The following ANKRD46 variants were observed in gnomAD, a reference collection of about 807,000 sequenced individuals.
The protein encoded by ANKRD46 is ankyrin repeat domain 46, also known as ankyrin repeat domain-containing protein 46.
Under a neutral mutation model 19.8 loss-of-function variants are expected in ANKRD46, and 13 were observed. That is an observed-to-expected ratio of 0.66 (90% CI 0.43 to 1.04). The LOEUF is 1.04. Ranked by LOEUF, ANKRD46 falls within the 50% of genes least tolerant of loss-of-function variation. The pLI, the probability that ANKRD46 is intolerant of heterozygous loss-of-function variation, is 0.00. For synonymous variants in ANKRD46, 91 were observed against 106.9 expected, an observed-to-expected ratio of 0.85 and a Z score of 0.92; for missense variants, 185 against 274.8, an observed-to-expected ratio of 0.67 and a Z score of 2.31.
intron 3 of ANKRD46, 24 bp from the exon 4 acceptor site, chr8:100,528,027 AGTTT>A: frequency 6.8e-7 from 1 of 1,468,476 alleles, no homozygotes; most frequent in Non-Finnish European, 9.1e-7. Context: ...AAAAAAAAAA[AGTTT>A]ATAAAAATAA....
At chr8:100,551,580 C>T (rs2844046) in intron 1 of ANKRD46, 369,139 of 738,084 alleles carry the variant, frequency 0.5, 97,000 homozygotes, top group African/African-American at 0.82. Context: ...CTGGAACATG[C>T]AGACCATGTA....
downstream of ANKRD46, among the ~76,000 whole-genome samples, chr8:100,516,113 C>T (rs1811627311): frequency 6.6e-6 from 1 of 152,184 alleles, no homozygotes; most frequent in Non-Finnish European, 1.5e-5. Flanking sequence ...CTCAGGTGAT[C>T]CACCCGCCTC....
rs146854986 is a variant in ANKRD46, at chr8:100,546,082, G to A, written c.-130-12771C>T. Among the ~76,000 whole-genome samples, 76 of 152,334 alleles carry A rather than the reference G, an allele frequency of 5.0e-4. No homozygotes were observed. Among genetic ancestry groups the A allele is most frequent in the African/African-American group, 1.6e-3 (68 of 41,586 alleles). ...TTTAAAAGCGAAGCAGAGCATAAAAGTTTGGAAATTTGCAGCCTGACTGGT... is the reference window on the plus strand; with the variant it reads ...TTTAAAAGCGAAGCAGAGCATAAAAATTTGGAAATTTGCAGCCTGACTGGT... On this transcript the variant is annotated intron_variant, in intron 1 of 4. Transcript: ENST00000335659. The surrounding 1 kb of genome is among the most constrained non-coding windows in gnomAD (Gnocchi z 4.0).
intron 1 of ANKRD46, chr8:100,551,244 A>AT: frequency 2.1e-6 from 1 of 472,650 alleles, no homozygotes; most frequent in Non-Finnish European, 4.0e-6. Context: ...TGGCCGGGGG[A>AT]TTAAGCAGTT....
rs1221422064 is a variant in ANKRD46 at position 100,527,435 on chromosome 8, T to C, written c.470+410A>G. ...TCTTTTTTTTGAAATTCCATTCTTTTTGTGACCTGTACTTAAAATCATCAA... is the reference window on the plus strand; with the variant it reads ...TCTTTTTTTTGAAATTCCATTCTTTCTGTGACCTGTACTTAAAATCATCAA... On this transcript the variant is annotated intron_variant, in intron 4 of 4. Transcript: ENST00000335659. This position sits in a 1 kb window ranked among gnomAD's most constrained non-coding sequence, Gnocchi z 4.0. Among the ~76,000 whole-genome samples, 1 of 152,234 alleles carries C rather than the reference T, an allele frequency of 6.6e-6. No homozygotes were observed.
chr8:100,531,995 C>T (rs578022802), intron 2 of ANKRD46, among the ~76,000 whole-genome samples: 156 of 152,010 alleles, frequency 1.0e-3, no homozygotes, highest in Non-Finnish European at 1.1e-3. Flanking sequence ...CAGAAGGGGA[C>T]GCACTGGAGA....
chr8:100,529,448 G>C lies in ANKRD46; in HGVS notation c.311+75C>G. 1 of 1,433,372 alleles carries C rather than the reference G, an allele frequency of 7.0e-7. No homozygotes were observed. The highest frequency in any genetic ancestry group is 9.4e-7 in the Non-Finnish European group (1 of 1,058,714). 88.8% of individuals were successfully genotyped at this position (1,433,372 alleles called of 1,614,324 possible). ...GATTAATGAGGAAACAAAACCAACA[G>C]ACCCAAGATAAGATTATCAGTTGAG... is the stretch of plus-strand genomic sequence containing the variant. On this transcript the variant is annotated intron_variant, in intron 3 of 4. Transcript: ENST00000335659. This position sits in a 1 kb window ranked among gnomAD's most constrained non-coding sequence, Gnocchi z 5.8.
intron 1 of ANKRD46, chr8:100,551,034 A>T: frequency 2.0e-6 from 1 of 512,362 alleles, no homozygotes. Context: ...AGGCCATGCT[A>T]GTGAGCTTCC....
chr8:100,554,112 G>C (rs1242287988), intron 1 of ANKRD46, among the ~76,000 whole-genome samples: 1 of 152,214 alleles, frequency 6.6e-6, no homozygotes, highest in Non-Finnish European at 1.5e-5. Flanking sequence ...ATGAGAGAGA[G>C]CCAGAGACAG....
Position 100,550,461 on chromosome 8 carries a change from C to A in ANKRD46, c.-131+9250G>T, listed in dbSNP as rs1420317876. Reference sequence around the variant, plus strand: ...ATATGTTTATTTGCCATCTGTATATCCTCTGTGATGAGGTGTCCATTAAGA... The same window carrying A: ...ATATGTTTATTTGCCATCTGTATATACTCTGTGATGAGGTGTCCATTAAGA... On this transcript the variant is annotated intron_variant, in intron 1 of 4. Coordinates refer to ENST00000335659, the MANE Select transcript of ANKRD46 (RefSeq NM_001270377.2). This position sits in a 1 kb window ranked among gnomAD's most constrained non-coding sequence, Gnocchi z 4.4. 6.5e-6 allele frequency: 1 copy of A among 153,096 alleles called. No homozygotes were observed. The highest frequency in any genetic ancestry group is 2.4e-5 in the African/African-American group (1 of 41,352). The allele number at this position is 153,096 out of a possible 1,614,324, so 9.5% of individuals were successfully genotyped here. A position where few individuals can be genotyped will look rare whatever the true frequency, so the allele number is the denominator to read the frequency against.
In ANKRD46 at chr8:100,529,415, T is replaced by C. The variant is rs1367373771; in HGVS notation, c.311+108A>G. 4.2e-6 allele frequency: 5 copies of C among 1,178,472 alleles called. No individual in the cohort carries two copies. The highest frequency in any genetic ancestry group is 4.9e-5 in the East Asian group (2 of 40,638). 73.0% of individuals were successfully genotyped at this position (1,178,472 alleles called of 1,614,324 possible). A position where few individuals can be genotyped will look rare whatever the true frequency, so the allele number is the denominator to read the frequency against. On this transcript the variant is annotated intron_variant, in intron 3 of 4. Transcript: ENST00000335659. This position sits in a 1 kb window ranked among gnomAD's most constrained non-coding sequence, Gnocchi z 5.8. Reference sequence around the variant, plus strand: ...CTGTCTTCAATGCTTTCTGAACTTATTTCAACTGATTAATGAGGAAACAAA... The same window carrying C: ...CTGTCTTCAATGCTTTCTGAACTTACTTCAACTGATTAATGAGGAAACAAA...
rs1274392883 is a variant in ANKRD46 at position 100,537,120 on chromosome 8, TA to T, written c.-130-3810del. Among the ~76,000 whole-genome samples the T allele has an allele frequency of 6.6e-6, 1 of 152,228 alleles. No homozygotes were observed. The highest frequency in any genetic ancestry group is 1.5e-5 in the Non-Finnish European group (1 of 68,038). On this transcript the variant is annotated intron_variant, in intron 1 of 4. Coordinates refer to ENST00000335659, the MANE Select transcript of ANKRD46 (RefSeq NM_001270377.2). This position sits in a 1 kb window ranked among gnomAD's most constrained non-coding sequence, Gnocchi z 4.2. ...GGATCCACAATCTTAGGTCAATCTG[TA>T]AAACTTTAAGATATAATAGTATTCT... is the stretch of plus-strand genomic sequence containing the variant.
Position 100,534,955 on chromosome 8 carries a change from T to A in ANKRD46, c.-130-1644A>T, listed in dbSNP as rs973231116. Among the ~76,000 whole-genome samples, 2 of 152,166 alleles carry A rather than the reference T, an allele frequency of 1.3e-5. No individual in the cohort carries two copies. Among genetic ancestry groups the A allele is most frequent in the Non-Finnish European group, 2.9e-5 (2 of 68,018 alleles). On this transcript the variant is annotated intron_variant, in intron 1 of 4. Transcript: ENST00000335659. This position sits in a 1 kb window ranked among gnomAD's most constrained non-coding sequence, Gnocchi z 4.2. ...GTAATTTTTGTATTTTTAGTGGAGA[T>A]GAGGTTTCACCATGTTGGCTAGGCA...
Position 100,529,540 on chromosome 8 carries a change from T to C in ANKRD46, c.294A>G (p.Gly98=). ...GAACTTACCAAATATCAATTTTGAG[T>C]CCATTGGAAACCAAAAATTGGATAG... is the stretch of plus-strand genomic sequence containing the variant. The part of the protein sequence containing the change: ...VDTIQFLVSN[G]LKIDICNHQG... The change falls in exon 3 of 5, where the codon GGA becomes GGG. Residue 98 remains glycine, a synonymous_variant. Transcript: ENST00000335659. This position sits in a 1 kb window ranked among gnomAD's most constrained non-coding sequence, Gnocchi z 5.8. 6.2e-7 allele frequency: 1 copy of C among 1,611,936 alleles called. No individual in the cohort carries two copies. The highest frequency in any genetic ancestry group is 8.5e-7 in the Non-Finnish European group (1 of 1,178,150).
At chr8:100,539,415 C>T (rs1392431481) in intron 1 of ANKRD46, among the ~76,000 whole-genome samples, 4 of 152,194 alleles carry the variant, frequency 2.6e-5, no homozygotes, top group Non-Finnish European at 4.4e-5. Context: ...TATCCCAGTA[C>T]TATGAAGAAC....
chr8:100,526,321 G>T (rs1811841734), intron 4 of ANKRD46, among the ~76,000 whole-genome samples: 1 of 152,052 alleles, frequency 6.6e-6, no homozygotes, highest in Admixed American at 6.5e-5. Flanking sequence ...ACAAAATAAA[G>T]ATCCTAAAAA....
intron 1 of ANKRD46, among the ~76,000 whole-genome samples, chr8:100,548,726 TGAC>T (rs1229550677): frequency 6.6e-6 from 1 of 152,064 alleles, no homozygotes; most frequent in Non-Finnish European, 1.5e-5. Flanking sequence ...GCTTAAGTAA[TGAC>T]AATGAAAATG....
In ANKRD46 at chr8:100,543,098, A is replaced by G. The variant is rs574282945; in HGVS notation, c.-130-9787T>C. 6.6e-6 allele frequency among the ~76,000 whole-genome samples: 1 copy of G among 152,290 alleles called. No homozygotes were observed. The highest frequency in any genetic ancestry group is 1.9e-4 in the East Asian group (1 of 5,180). ...ATGGAGCTATTTTTGCAAACTGCCCAGAGACCAGACACCTGCCCATTGTGA... is the reference window on the plus strand; with the variant it reads ...ATGGAGCTATTTTTGCAAACTGCCCGGAGACCAGACACCTGCCCATTGTGA... On this transcript the variant is annotated intron_variant, in intron 1 of 4. Transcript: ENST00000335659. The surrounding 1 kb of genome is among the most constrained non-coding windows in gnomAD (Gnocchi z 4.2).
Position 100,522,723 on chromosome 8 carries a change from T to A in ANKRD46, c.519A>T (p.Glu173Asp). 1 of 1,614,038 alleles carries A rather than the reference T, an allele frequency of 6.2e-7. No individual in the cohort carries two copies. The highest frequency in any genetic ancestry group is 8.5e-7 in the Non-Finnish European group (1 of 1,180,016). ...SLLNPNLQQG[E>D]GVLSSFRTTW... Reference sequence around the variant, plus strand: ...TGGTTCGGAAGCTGGAGAGGACTCCTTCACCTTGCTGCAGGTTGGGATTGA... The same window carrying A: ...TGGTTCGGAAGCTGGAGAGGACTCCATCACCTTGCTGCAGGTTGGGATTGA... Residue 173 changes from glutamate to aspartate, a missense_variant, in exon 5 of 5, where the codon GAA (glutamate) becomes GAT (aspartate). Transcript: ENST00000335659.
Sources: allele counts gnomAD v4.1 joint callset (sites outside exome capture counted in the v4.1 genomes callset), GRCh38; gene constraint gnomAD v4.1.1; non-coding constraint Gnocchi (gnomAD v3.1); transcripts MANE v1.5; gene names NCBI Gene and HGNC (gene_info 2026-07-23, HGNC 2026-07-21).